The following RAB3GAP1 variants were observed in gnomAD, a reference collection of about 807,000 sequenced individuals.
RAB3GAP1 encodes the protein rab3 GTPase-activating protein catalytic subunit.
A neutral mutation model predicts 130.7 loss-of-function variants in RAB3GAP1; 86 were observed. The ratio of observed to expected loss-of-function variants is 0.66; its 90% CI spans 0.55 to 0.79. The LOEUF (loss-of-function observed/expected upper bound fraction) is 0.79. Among genes scored for constraint, RAB3GAP1 ranks in the 30% least tolerant of loss-of-function variants. RAB3GAP1 has a pLI of 0.00. For synonymous variants in RAB3GAP1, 367 were observed against 401.7 expected (o/e 0.91, Z 1.03); for missense variants, 1,029 against 1,169.4 (o/e 0.88, Z 1.75).
intron 8 of RAB3GAP1, among the ~76,000 whole-genome samples, chr2:135,121,880 G>T (rs1373604565): frequency 6.6e-6 from 1 of 152,128 alleles, no homozygotes; most frequent in African/African-American, 2.4e-5. Context: ...ATCACCTGAG[G>T]TCGGGAGTTC....
chr2:135,053,899 G>A (rs1688944634), intron 2 of RAB3GAP1, among the ~76,000 whole-genome samples: 1 of 152,170 alleles, frequency 6.6e-6, no homozygotes, highest in African/African-American at 2.4e-5. Flanking sequence ...GAAAAGATAG[G>A]AAATGAGCTG....
At chr2:135,086,535 GTCTAT>G (rs1261806973) in intron 3 of RAB3GAP1, among the ~76,000 whole-genome samples, 4 of 151,250 alleles carry the variant, frequency 2.6e-5, no homozygotes, top group African/African-American at 9.7e-5. Flanking sequence ...GCTTTCTGCT[GTCTAT>G]TCTTTTGCTC....
chr2:135,107,098 GA>G (rs1159826826), intron 5 of RAB3GAP1, among the ~76,000 whole-genome samples: 4,959 of 93,198 alleles, frequency 0.053, 228 homozygotes, highest in African/African-American at 0.16. Flanking sequence ...CTGAAAGGGA[GA>G]AAAAAAAAAA....
intron 2 of RAB3GAP1, 26 bp downstream of exon 2, chr2:135,052,511 C>T: frequency 6.2e-7 from 1 of 1,612,698 alleles, no homozygotes; most frequent in South Asian, 1.1e-5. Flanking sequence ...TTTTGGTTAC[C>T]AGCTCCCATG....
Position 135,170,600 on chromosome 2 carries a change from C to T in RAB3GAP1, c.*1819C>T, listed in dbSNP as rs1692823371. ...GCCACAAAATGTTGAGTATAGTCAA[C>T]TCTGCTGTGTGGATCGGAGGGCCTG... On this transcript the variant is annotated 3_prime_UTR_variant, in exon 24 of 24. Transcript: ENST00000264158. 6.6e-6 allele frequency: 1 copy of T among 152,208 alleles called. No homozygotes were observed. The highest frequency in any genetic ancestry group is 1.5e-5 in the Non-Finnish European group (1 of 68,040). 9.4% of individuals were successfully genotyped at this position (152,208 alleles called of 1,614,324 possible).
intron 17 of RAB3GAP1, among the ~76,000 whole-genome samples, chr2:135,148,607 G>T (rs1409792907): frequency 6.7e-6 from 1 of 148,194 alleles, no homozygotes; most frequent in Non-Finnish European, 1.5e-5. Context: ...CGATTCTCCT[G>T]CCTCAGCCTC....
At chr2:135,165,998 C>A (rs567864085) in intron 23 of RAB3GAP1, among the ~76,000 whole-genome samples, 1 of 151,926 alleles carries the variant, frequency 6.6e-6, no homozygotes, top group East Asian at 1.9e-4. Flanking sequence ...GTGGTGAAAC[C>A]CTTTCTCTAC....
At chr2:135,095,211 G>A (rs2104881808) in intron 5 of RAB3GAP1, among the ~76,000 whole-genome samples, 1 of 152,258 alleles carries the variant, frequency 6.6e-6, no homozygotes, top group East Asian at 1.9e-4. Flanking sequence ...ACCACACCCA[G>A]CTGATTTTTT....
rs1248322362 is a variant in RAB3GAP1, at chr2:135,169,825, G to C, written c.*1044G>C. The C allele has an allele frequency of 2.2e-6, 1 of 450,224 alleles. No homozygotes were observed. Among genetic ancestry groups the C allele is most frequent in the Non-Finnish European group, 4.5e-6 (1 of 223,598 alleles). 27.9% of individuals were successfully genotyped at this position (450,224 alleles called of 1,614,324 possible). A position where few individuals can be genotyped will look rare whatever the true frequency, so the allele number is the denominator to read the frequency against. Reference sequence around the variant, plus strand: ...ATGGAGCTCAAGATGTCTTGTGTCTGTGTGGCTAGATGGCCTCTGCTTGGT... The same window carrying C: ...ATGGAGCTCAAGATGTCTTGTGTCTCTGTGGCTAGATGGCCTCTGCTTGGT... On this transcript the variant is annotated 3_prime_UTR_variant, in exon 24 of 24. Transcript: ENST00000264158.
At chr2:135,171,822 G>A (rs1692863064), downstream of RAB3GAP1, among the ~76,000 whole-genome samples, 1 of 152,082 alleles carries the variant, frequency 6.6e-6, no homozygotes, top group Non-Finnish European at 1.5e-5. Context: ...GATAAGGGAG[G>A]GGCTTACGAG....
chr2:135,111,339 A>G (rs1690796220), intron 5 of RAB3GAP1, among the ~76,000 whole-genome samples: 1 of 152,144 alleles, frequency 6.6e-6, no homozygotes, highest in Non-Finnish European at 1.5e-5. Flanking sequence ...TGAATAGGAG[A>G]GGAATTTTCA....
intron 3 of RAB3GAP1, among the ~76,000 whole-genome samples, chr2:135,081,613 A>T (rs559680430): frequency 3.9e-5 from 6 of 151,964 alleles, no homozygotes; most frequent in African/African-American, 1.2e-4. Flanking sequence ...CTTTGTGAGC[A>T]TAATTGCATG....
intron 5 of RAB3GAP1, among the ~76,000 whole-genome samples, chr2:135,099,321 T>C (rs1281548383): frequency 1.3e-5 from 2 of 152,144 alleles, no homozygotes; most frequent in African/African-American, 2.4e-5. Context: ...TGATATGATT[T>C]ATTTTCTTTA....
At chr2:135,126,709 A>C in intron 11 of RAB3GAP1, 53 bp downstream of exon 11, 1 of 1,434,500 alleles carries the variant, frequency 7.0e-7, no homozygotes, top group Non-Finnish European at 9.8e-7. Context: ...CCTAACTTCC[A>C]AATCGGAGAC....
chr2:135,162,319 A>G (rs1692485131), intron 19 of RAB3GAP1: 1 of 483,024 alleles, frequency 2.1e-6, no homozygotes, highest in Admixed American at 3.3e-5. Flanking sequence ...TATTTTCCTT[A>G]TTTGTGTGTA....
At position 135,075,651 on chromosome 2, in the gene RAB3GAP1, A is replaced by T. The variant is rs11894569; in HGVS notation, c.151-15347A>T. Among the ~76,000 whole-genome samples, 79 of 132,698 alleles carry T rather than the reference A, an allele frequency of 6.0e-4. 2 individuals are homozygous for T. Among genetic ancestry groups the T allele is most frequent in the South Asian group, 1.9e-3 (8 of 4,210 alleles). 87.1% of individuals were successfully genotyped at this position (132,698 alleles called of 152,430 possible). A position where few individuals can be genotyped will look rare whatever the true frequency, so the allele number is the denominator to read the frequency against. ...CTTGCATGTTTGCCTTTTTTTTTTTAAATTTTTTTTTATATTTGCCTTTTT... is the reference window on the plus strand; with the variant it reads ...CTTGCATGTTTGCCTTTTTTTTTTTTAATTTTTTTTTATATTTGCCTTTTT... On this transcript the variant is annotated intron_variant, in intron 3 of 23. Transcript: ENST00000264158.
At chr2:135,167,855 A>G in intron 23 of RAB3GAP1, 1 of 620,290 alleles carries the variant, frequency 1.6e-6, no homozygotes, top group Non-Finnish European at 2.5e-6. Context: ...ACATGATTTC[A>G]TGTTTCCATT....
chr2:135,171,281 G>A (rs187398363), downstream of RAB3GAP1, among the ~76,000 whole-genome samples: 1,059 of 152,262 alleles, frequency 7.0e-3, 15 homozygotes, highest in African/African-American at 0.024. Flanking sequence ...CTACAAGTTA[G>A]GGCTTTGCCT....
rs779476694 is a variant in RAB3GAP1 at position 135,115,378 on chromosome 2, G to A, written c.645G>A (p.Lys215=). Residue 215 remains lysine, a synonymous_variant, in exon 7 of 24, where the codon AAG becomes AAA. Transcript: ENST00000264158. Reference sequence around the variant, plus strand: ...GTCTGCTGGATATCTTCAAATCAAAGATTGTGAGTTGGGATTGATATTGTC... The same window carrying A: ...GTCTGCTGGATATCTTCAAATCAAAAATTGTGAGTTGGGATTGATATTGTC... The part of the protein sequence containing the change: ...LSGLLDIFKS[K]IGCPLTPLPP... The A allele has an allele frequency of 6.2e-7, 1 of 1,608,816 alleles. No homozygotes were observed. The highest frequency in any genetic ancestry group is 1.7e-5 in the Admixed American group (1 of 59,956).
Sources: allele counts gnomAD v4.1 joint callset (sites outside exome capture counted in the v4.1 genomes callset), GRCh38; gene constraint gnomAD v4.1.1; transcripts MANE v1.5; gene names NCBI Gene and HGNC (gene_info 2026-07-23, HGNC 2026-07-21).